Variants in MRPS28 observed in about 807,000 individuals in gnomAD.
MRPS28 encodes the protein mitochondrial ribosomal protein S28.
A neutral mutation model predicts 10.8 loss-of-function variants in MRPS28; 7 were observed. The observed-to-expected ratio is 0.65, with a 90% CI of 0.37 to 1.22. MRPS28 has a LOEUF of 1.22. Ranked by LOEUF, MRPS28 falls within the 50% of genes most tolerant of loss-of-function variation. MRPS28 has a pLI of 0.02. For synonymous variants in MRPS28, 121 were observed against 93.3 expected, an observed-to-expected ratio of 1.30 and a Z score of -1.71; for missense variants, 265 against 232.9, an observed-to-expected ratio of 1.14 and a Z score of -0.90.
chr8:79,921,932 C>T (rs1485717766), intron 2 of MRPS28, among the ~76,000 whole-genome samples: 3 of 152,104 alleles, frequency 2.0e-5, no homozygotes, highest in Non-Finnish European at 4.4e-5. Flanking sequence ...TCATAGACAG[C>T]TCTTATTATT....
intron 2 of MRPS28, among the ~76,000 whole-genome samples, chr8:79,994,487 C>T (rs1257350233): frequency 6.6e-6 from 1 of 152,108 alleles, no homozygotes; most frequent in African/African-American, 2.4e-5. Context: ...CAAAATGAAA[C>T]ATTATTCAAA....
At chr8:79,923,529 T>G (rs974571147) in intron 2 of MRPS28, among the ~76,000 whole-genome samples, 1 of 152,214 alleles carries the variant, frequency 6.6e-6, no homozygotes, top group African/African-American at 2.4e-5. Context: ...CATGCAATGT[T>G]ATTTTTTACA....
At chr8:79,986,243 C>A (rs1349457533) in intron 2 of MRPS28, among the ~76,000 whole-genome samples, 6 of 151,974 alleles carry the variant, frequency 3.9e-5, no homozygotes, top group African/African-American at 1.4e-4. Flanking sequence ...ATGCTAAAAA[C>A]TCAATAAATT....
chr8:80,019,131 T>C (rs975200024), intron 1 of MRPS28, among the ~76,000 whole-genome samples: 1 of 151,918 alleles, frequency 6.6e-6, no homozygotes, highest in African/African-American at 2.4e-5. Context: ...GACCTAGTGT[T>C]TGAGAGCACA....
intron 1 of MRPS28, among the ~76,000 whole-genome samples, chr8:80,007,807 T>G (rs571434823): frequency 1.3e-5 from 2 of 152,306 alleles, no homozygotes; most frequent in Non-Finnish European, 2.9e-5. Flanking sequence ...TCCATGCTCA[T>G]GAATAGGAAG....
chr8:80,002,772 C>T (rs1808693329), intron 2 of MRPS28, among the ~76,000 whole-genome samples: 1 of 152,172 alleles, frequency 6.6e-6, no homozygotes, highest in South Asian at 2.1e-4. Context: ...TCAGGATGAA[C>T]ATTCAAGTCT....
At chr8:79,958,240 T>C (rs1349478506) in intron 2 of MRPS28, 1 of 583,810 alleles carries the variant, frequency 1.7e-6, no homozygotes, top group Non-Finnish European at 3.0e-6. Context: ...GAACATTTCA[T>C]ATAAATGGAA....
intron 2 of MRPS28, among the ~76,000 whole-genome samples, chr8:79,939,051 T>G (rs920809942): frequency 9.2e-5 from 14 of 152,214 alleles, no homozygotes; most frequent in Non-Finnish European, 1.5e-4. Context: ...CAGAGATACC[T>G]ACTGAAAGAT....
chr8:79,974,356 C>T (rs199948088), intron 2 of MRPS28, among the ~76,000 whole-genome samples: 69 of 152,006 alleles, frequency 4.5e-4, no homozygotes, highest in East Asian at 3.9e-3. Flanking sequence ...CTGGCTAACA[C>T]GGTGACCCCT....
At chr8:79,989,358 A>C (rs1388688123) in intron 2 of MRPS28, among the ~76,000 whole-genome samples, 1 of 152,216 alleles carries the variant, frequency 6.6e-6, no homozygotes, top group East Asian at 1.9e-4. Flanking sequence ...GTTTAAACTA[A>C]GGTACAAACT....
At chr8:79,989,823 C>A (rs1002766269) in intron 2 of MRPS28, among the ~76,000 whole-genome samples, 3 of 152,160 alleles carry the variant, frequency 2.0e-5, no homozygotes, top group African/African-American at 7.2e-5. Flanking sequence ...CCTAATTTCT[C>A]ATATTTCCAA....
chr8:79,991,541 C>T (rs992502061), intron 2 of MRPS28, among the ~76,000 whole-genome samples: 1 of 152,066 alleles, frequency 6.6e-6, no homozygotes, highest in Non-Finnish European at 1.5e-5. Context: ...ATAAAGGTTA[C>T]CTTGGAAGTA....
chr8:80,014,688 T>C (rs995711694), intron 1 of MRPS28, among the ~76,000 whole-genome samples: 5 of 152,344 alleles, frequency 3.3e-5, no homozygotes, highest in Admixed American at 2.6e-4. Context: ...ACTCAAATAG[T>C]GTCTGAAGGT....
At position 80,028,735 on chromosome 8, in the gene MRPS28, A is replaced by G. The variant is rs920848048; in HGVS notation, c.213+1301T>C. On this transcript the variant is annotated intron_variant, in intron 1 of 2. Transcript: ENST00000276585. ...TCCCAGCACTTTGGGAGGCCAACGC[A>G]GGAGGATCACTTGAACCCAGGAGTT... 2.1e-5 allele frequency: 3 copies of G among 139,962 alleles called. No individual in the cohort carries two copies. In the Admixed American group the frequency reaches 2.4e-4, roughly 11 times the overall value. 8.7% of individuals were successfully genotyped at this position (139,962 alleles called of 1,614,324 possible).
intron 1 of MRPS28, among the ~76,000 whole-genome samples, chr8:80,022,538 A>T (rs373086165): frequency 6.6e-6 from 1 of 152,122 alleles, no homozygotes; most frequent in African/African-American, 2.4e-5. Context: ...TCAGCTGCCA[A>T]CTCCTAGACT....
rs759762614 is a variant in MRPS28, at chr8:79,988,494, GA to G, written c.395+14504del. Among the ~76,000 whole-genome samples the G allele has an allele frequency of 1.3e-4, 19 of 150,900 alleles. 1 individual carries two copies. The highest frequency in any genetic ancestry group is 1.2e-3 in the East Asian group (6 of 5,162). ...GAAACCTAACTGTGATATATTTATG[GA>G]AAAATATTTTATTAAAAATTAAAAC... On this transcript the variant is annotated intron_variant, in intron 2 of 2. Transcript: ENST00000276585.
At chr8:79,983,207 G>C (rs1381762861) in intron 2 of MRPS28, among the ~76,000 whole-genome samples, 1 of 152,158 alleles carries the variant, frequency 6.6e-6, no homozygotes, top group Non-Finnish European at 1.5e-5. Context: ...ACCTGCAGCT[G>C]AGTGTCCTGC....
chr8:79,938,188 C>T (rs1806656558), intron 2 of MRPS28, among the ~76,000 whole-genome samples: 1 of 150,894 alleles, frequency 6.6e-6, no homozygotes, highest in Non-Finnish European at 1.5e-5. Flanking sequence ...AAGTGCTCAC[C>T]TATCAAGTGA....
chr8:80,027,889 A>T (rs1809530855), intron 1 of MRPS28, among the ~76,000 whole-genome samples: 1 of 152,204 alleles, frequency 6.6e-6, no homozygotes, highest in African/African-American at 2.4e-5. Context: ...TGTTAGACGG[A>T]GAACAACCAC....
Sources: gnomAD v4.1 joint callset for allele counts (sites outside exome capture counted in the v4.1 genomes callset) on GRCh38, gnomAD v4.1.1 for gene constraint, MANE v1.5 for transcripts, NCBI Gene and HGNC (gene_info 2026-07-23, HGNC 2026-07-21) for gene names.